Variants in DNAAF9 observed in about 807,000 individuals in gnomAD.
DNAAF9 encodes the protein dynein axonemal assembly factor 9.
DNAAF9 carries 90 observed loss-of-function variants against 167.0 expected under a neutral mutation model. The ratio of observed to expected loss-of-function variants is 0.54; its 90% CI spans 0.45 to 0.64. DNAAF9 has a LOEUF of 0.64. Among genes scored for constraint, DNAAF9 ranks in the 30% least tolerant of loss-of-function variants. DNAAF9 has a pLI of 0.00. For missense variants in DNAAF9, 1,315 were observed against 1,442.2 expected (o/e 0.91, Z 1.43); for synonymous variants, 491 against 508.8 (o/e 0.96, Z 0.47).
At chr20:3,293,094 C>T (rs2068992094) in intron 25 of DNAAF9, among the ~76,000 whole-genome samples, 1 of 150,248 alleles carries the variant, frequency 6.7e-6, no homozygotes, top group South Asian at 2.1e-4. Flanking sequence ...AAAAAAAAGA[C>T]CATCCTGGCT....
At chr20:3,369,368 A>T (rs1600871786) in intron 6 of DNAAF9, among the ~76,000 whole-genome samples, 1 of 150,110 alleles carries the variant, frequency 6.7e-6, no homozygotes, top group East Asian at 1.9e-4. Context: ...GTCTTCTAAC[A>T]TTTAAAGTTA....
At chr20:3,374,947 C>A (rs1419838741) in intron 5 of DNAAF9, 83 bp downstream of exon 5, 4 of 730,882 alleles carry the variant, frequency 5.5e-6, no homozygotes, top group South Asian at 1.7e-5. Context: ...CAGCTGAATG[C>A]CCCCAATGAA....
chr20:3,276,936 C>CA (rs1385683809), intron 29 of DNAAF9, among the ~76,000 whole-genome samples: 1 of 152,174 alleles, frequency 6.6e-6, no homozygotes, highest in Non-Finnish European at 1.5e-5. Context: ...AGTCAATCTT[C>CA]ACTTGGGCTC....
intron 14 of DNAAF9, among the ~76,000 whole-genome samples, chr20:3,323,048 TCA>T (rs1180066726): frequency 2.0e-5 from 3 of 151,828 alleles, no homozygotes; most frequent in Non-Finnish European, 2.9e-5. Context: ...TCTCTGCAAC[TCA>T]CAGTCAAATG....
rs10522445 is a variant in DNAAF9, at chr20:3,394,949, C to CTTTTTTTT, written c.84-12451_84-12444dup. On this transcript the variant is annotated intron_variant, in intron 1 of 36. Coordinates refer to ENST00000252032, the MANE Select transcript of DNAAF9 (RefSeq NM_001009984.3). ...GCTTTTACTGAACATTTTCTTTTTTCTTTTTTTTTTTTTTTTTTTTTTTTT... is the reference window on the plus strand; with the variant it reads ...GCTTTTACTGAACATTTTCTTTTTTCTTTTTTTTTTTTTTTTTTTTTTTTTTTTTTTTT... Among the ~76,000 whole-genome samples the CTTTTTTTT allele has an allele frequency of 7.0e-3, 711 of 102,060 alleles. 111 individuals carry two copies. The highest frequency in any genetic ancestry group is 0.019 in the East Asian group (62 of 3,230). 67.0% of individuals were successfully genotyped at this position (102,060 alleles called of 152,430 possible). A position where few individuals can be genotyped will look rare whatever the true frequency, so the allele number is the denominator to read the frequency against.
In DNAAF9 at chr20:3,344,095, CCATCTATGGTCCAAGT is replaced by C. The variant is rs1282488203; in HGVS notation, c.790-380_790-365del. 2.0e-5 allele frequency among the ~76,000 whole-genome samples: 3 copies of C among 152,246 alleles called. No individual in the cohort carries two copies. The East Asian group carries it at 5.8e-4, about 29-fold the overall frequency. ...TACTGCAAGAAAATTGGACCAATCA[CCATCTATGGTCCAAGT>C]TGCTAATCATGTGGAGATTTTTTTA... is the stretch of plus-strand genomic sequence containing the variant. On this transcript the variant is annotated intron_variant, in intron 8 of 36. Transcript: ENST00000252032.
chr20:3,379,966 A>C (rs1249214933), intron 3 of DNAAF9, among the ~76,000 whole-genome samples: 1 of 152,182 alleles, frequency 6.6e-6, no homozygotes, highest in African/African-American at 2.4e-5. Flanking sequence ...GCTGAGGCAG[A>C]GGAATCTCGA....
Position 3,315,738 on chromosome 20 carries a change from C to T in DNAAF9, c.1587G>A (p.Val529=). ...VKLSEKTQQA[V]RGDESFLGTY... ...TGAGAATAAGAAGGCTGCTTACCCT[C>T]ACTGCTTGCTGGGTTTTCTCAGACA... Residue 529 remains valine (V), a synonymous_variant, in exon 19 of 37, where the codon GTG becomes GTA. Transcript: ENST00000252032. This position sits in a 1 kb window ranked among gnomAD's most constrained non-coding sequence, Gnocchi z 4.1. 6.2e-7 allele frequency: 1 copy of T among 1,612,052 alleles called. No individual in the cohort carries two copies. The highest frequency in any genetic ancestry group is 8.5e-7 in the Non-Finnish European group (1 of 1,178,082).
chr20:3,397,249 A>G (rs74431288), intron 1 of DNAAF9, among the ~76,000 whole-genome samples: 34 of 94,978 alleles, frequency 3.6e-4, no homozygotes, highest in African/African-American at 1.5e-3. Flanking sequence ...CCCCGTATCA[A>G]AAAAAAAAAA....
At chr20:3,332,445 G>A in intron 10 of DNAAF9, 84 bp from the exon 11 acceptor site, 1 of 698,126 alleles carries the variant, frequency 1.4e-6, no homozygotes, top group East Asian at 2.7e-5. Context: ...TAGAGTCAAT[G>A]GAAATAAATT....
At chr20:3,329,381 A>G (rs1394222545) in intron 12 of DNAAF9, among the ~76,000 whole-genome samples, 1 of 152,098 alleles carries the variant, frequency 6.6e-6, no homozygotes, top group African/African-American at 2.4e-5. Flanking sequence ...CTAGTCTCGA[A>G]TTCCTGGGCT....
chr20:3,296,356 C>T (rs1432851128), intron 23 of DNAAF9: 5 of 326,738 alleles, frequency 1.5e-5, no homozygotes, highest in Non-Finnish European at 3.0e-5. Flanking sequence ...CACAGCCACA[C>T]TGGCTCCTGG....
At chr20:3,328,338 T>C (rs533673207) in intron 12 of DNAAF9, among the ~76,000 whole-genome samples, 59 of 152,052 alleles carry the variant, frequency 3.9e-4, no homozygotes, top group Non-Finnish European at 7.5e-4. Flanking sequence ...CCTGCCACCG[T>C]GCCTGGCTAG....
chr20:3,270,233 C>T (rs1482557526), intron 30 of DNAAF9, among the ~76,000 whole-genome samples, 194 bp downstream of exon 30: 1 of 150,526 alleles, frequency 6.6e-6, no homozygotes, highest in African/African-American at 2.4e-5. Context: ...GCCTCCAATT[C>T]CTGGATTCAA....
intron 1 of DNAAF9, among the ~76,000 whole-genome samples, chr20:3,401,363 G>A (rs2083981209): frequency 6.6e-6 from 1 of 151,966 alleles, no homozygotes; most frequent in South Asian, 2.1e-4. Flanking sequence ...CCGTCACTAG[G>A]CCTAATTTTT....
intron 25 of DNAAF9, among the ~76,000 whole-genome samples, chr20:3,293,091 A>G (rs2122925784): frequency 6.6e-6 from 1 of 151,664 alleles, no homozygotes; most frequent in East Asian, 2.0e-4. Context: ...AAAAAAAAAA[A>G]GACCATCCTG....
At position 3,299,397 on chromosome 20, in the gene DNAAF9, G is replaced by A. The variant is rs377392816; in HGVS notation, c.1783-1222C>T. Among the ~76,000 whole-genome samples, 414 of 152,158 alleles carry A rather than the reference G, an allele frequency of 2.7e-3. 1 individual carries two copies. Among genetic ancestry groups the A allele is most frequent in the African/African-American group, 9.3e-3 (387 of 41,532 alleles). ...GTGCCATCTTGGCTGACTGGCCTCCGCCTCCTGGGTTCAAGCAATTCTCAT... is the reference window on the plus strand; with the variant it reads ...GTGCCATCTTGGCTGACTGGCCTCCACCTCCTGGGTTCAAGCAATTCTCAT... On this transcript the variant is annotated intron_variant, in intron 21 of 36. Coordinates refer to ENST00000252032, the MANE Select transcript of DNAAF9 (RefSeq NM_001009984.3).
chr20:3,374,940 C>T, intron 5 of DNAAF9, 90 bp downstream of exon 5: 1 of 705,972 alleles, frequency 1.4e-6, no homozygotes, highest in South Asian at 1.8e-5. Context: ...GGTTTCTCAG[C>T]TGAATGCCCC....
chr20:3,386,810 A>C (rs1302742397), intron 1 of DNAAF9, among the ~76,000 whole-genome samples: 1 of 152,194 alleles, frequency 6.6e-6, no homozygotes, highest in Admixed American at 6.5e-5. Context: ...GGTATAAAGA[A>C]ACAATTTGTC....
Sources: allele counts gnomAD v4.1 joint callset (sites outside exome capture counted in the v4.1 genomes callset), GRCh38; gene constraint gnomAD v4.1.1; non-coding constraint Gnocchi (gnomAD v3.1); transcripts MANE v1.5; gene names NCBI Gene and HGNC (gene_info 2026-07-23, HGNC 2026-07-21).